Variants in EYS observed in about 807,000 individuals in gnomAD.
EYS encodes the protein protein eyes shut homolog.
In EYS, 250 loss-of-function variants were observed where a neutral mutation model predicts 282.1. That is an observed-to-expected ratio of 0.89 (90% CI 0.80 to 0.98). The LOEUF is 0.98. Ranked by LOEUF, EYS falls within the 50% of genes least tolerant of loss-of-function variation. The probability of loss-of-function intolerance (pLI) is 0.00; values close to 1 mark genes in which losing one functional copy is unlikely to be tolerated. For missense variants in EYS, 4,016 were observed against 3,709.0 expected (o/e 1.08, Z -2.15); for synonymous variants, 1,355 against 1,282.9 (o/e 1.06, Z -1.20).
intron 35 of EYS, among the ~76,000 whole-genome samples, chr6:63,880,475 GTC>G (rs1156933016): frequency 1.4e-5 from 2 of 139,248 alleles, no homozygotes; most frequent in Non-Finnish European, 3.2e-5. Context: ...CTGTCTGTCT[GTC>G]TGTCTGTCTG....
At chr6:65,270,646 T>C (rs537756192) in intron 12 of EYS, among the ~76,000 whole-genome samples, 4 of 152,264 alleles carry the variant, frequency 2.6e-5, no homozygotes, top group Non-Finnish European at 5.9e-5. Context: ...CTATGAAAAG[T>C]CAGAAAGAAG....
At chr6:64,780,495 A>G (rs187938747) in intron 22 of EYS, among the ~76,000 whole-genome samples, 2 of 152,278 alleles carry the variant, frequency 1.3e-5, no homozygotes, top group East Asian at 3.9e-4. Context: ...ATGGGGAAAT[A>G]ACAGACACTG....
chr6:63,986,587 T>C (rs1341260693), intron 34 of EYS, among the ~76,000 whole-genome samples: 1 of 151,772 alleles, frequency 6.6e-6, no homozygotes. Flanking sequence ...GATGGAATAA[T>C]ATGCAGCCAT....
intron 39 of EYS, among the ~76,000 whole-genome samples, chr6:63,783,876 TTGTGTG>T (rs150840181): frequency 2.0e-5 from 3 of 150,854 alleles, no homozygotes; most frequent in Admixed American, 6.6e-5. Context: ...TGGTCAAATA[TTGTGTG>T]TGTGTGTGTG....
chr6:64,295,103 G>A (rs1488817636), intron 30 of EYS, among the ~76,000 whole-genome samples: 5 of 151,492 alleles, frequency 3.3e-5, no homozygotes, highest in Non-Finnish European at 5.9e-5. Flanking sequence ...GGCCGGGCAC[G>A]GTGGCTCACG....
At chr6:64,742,088 C>A (rs1772393513) in intron 22 of EYS, among the ~76,000 whole-genome samples, 1 of 152,116 alleles carries the variant, frequency 6.6e-6, no homozygotes, top group Admixed American at 6.5e-5. Context: ...TCATTTCTAG[C>A]TTTTGAGTTA....
chr6:65,635,090 T>C (rs1767040645), intron 2 of EYS, among the ~76,000 whole-genome samples: 1 of 152,186 alleles, frequency 6.6e-6, no homozygotes, highest in South Asian at 2.1e-4. Flanking sequence ...CTAAAACTGT[T>C]GGTAAGGTTA....
rs1042995009 is a variant in EYS, at chr6:65,689,023, G to A, written c.-448+18112C>T. ...ATTTGACCCAGCCATCCCATTACTG[G>A]GTATATACCCAAAGGATTATAAATC... On this transcript the variant is annotated intron_variant, in intron 1 of 42. Coordinates refer to ENST00000503581, the MANE Select transcript of EYS (RefSeq NM_001142800.2). 1.3e-5 allele frequency among the ~76,000 whole-genome samples: 2 copies of A among 150,278 alleles called. 1 individual carries two copies. Among genetic ancestry groups the A allele is most frequent in the East Asian group, 4.5e-4 (2 of 4,458 alleles).
intron 11 of EYS, among the ~76,000 whole-genome samples, chr6:65,323,021 A>T (rs1769520013): frequency 6.6e-6 from 1 of 151,590 alleles, no homozygotes; most frequent in African/African-American, 2.4e-5. Flanking sequence ...TAATTTTAAC[A>T]TACTTATTTT....
At chr6:64,945,144 AAG>A (rs1483512394) in intron 15 of EYS, among the ~76,000 whole-genome samples, 1 of 151,176 alleles carries the variant, frequency 6.6e-6, no homozygotes, top group Non-Finnish European at 1.5e-5. Context: ...AAAAAAAAAA[AAG>A]AATGGGAAAA....
intron 31 of EYS, among the ~76,000 whole-genome samples, chr6:64,134,809 A>G (rs991498218): frequency 6.6e-5 from 10 of 152,006 alleles, no homozygotes; most frequent in African/African-American, 2.2e-4. Context: ...AGAGGGAAAA[A>G]CAGATCTCCA....
intron 38 of EYS, among the ~76,000 whole-genome samples, 177 bp from the exon 39 acceptor site, chr6:63,788,426 G>A (rs1770423877): frequency 6.6e-6 from 1 of 152,140 alleles, no homozygotes; most frequent in African/African-American, 2.4e-5. Context: ...TCTGTTACCA[G>A]GGATATATTA....
chr6:64,837,303 T>C (rs1046262969), intron 19 of EYS, among the ~76,000 whole-genome samples: 1 of 151,388 alleles, frequency 6.6e-6, no homozygotes, highest in Non-Finnish European at 1.5e-5. Context: ...AAATCCTCAA[T>C]AAGCTAGGCA....
chr6:64,003,929 T>C (rs1768215340), intron 33 of EYS, among the ~76,000 whole-genome samples: 1 of 152,222 alleles, frequency 6.6e-6, no homozygotes, highest in African/African-American at 2.4e-5. Context: ...CTGCCATAAT[T>C]GTAAATTTCC....
At chr6:63,979,801 C>G (rs925954710) in intron 35 of EYS, among the ~76,000 whole-genome samples, 1 of 151,842 alleles carries the variant, frequency 6.6e-6, no homozygotes, top group Non-Finnish European at 1.5e-5. Flanking sequence ...CTGAAATGAA[C>G]AACCACAGGG....
chr6:64,767,994 A>G (rs1259154691), intron 22 of EYS, among the ~76,000 whole-genome samples: 1 of 152,096 alleles, frequency 6.6e-6, no homozygotes, highest in African/African-American at 2.4e-5. Context: ...GGGTGAGATA[A>G]TACCTTATTG....
intron 1 of EYS, among the ~76,000 whole-genome samples, chr6:65,658,317 A>G (rs182297176): frequency 1.1e-4 from 17 of 151,814 alleles, no homozygotes; most frequent in African/African-American, 3.6e-4. Context: ...CATAAAAACT[A>G]TAAAAATCTG....
chr6:64,383,219 T>C (rs1251676271), intron 29 of EYS, among the ~76,000 whole-genome samples: 5 of 152,298 alleles, frequency 3.3e-5, no homozygotes, highest in African/African-American at 1.2e-4. Flanking sequence ...GAAGATTGTT[T>C]GAGCTCAGGA....
intron 19 of EYS, among the ~76,000 whole-genome samples, chr6:64,853,463 C>T (rs946170992): frequency 6.6e-6 from 1 of 152,056 alleles, no homozygotes; most frequent in Non-Finnish European, 1.5e-5. Context: ...TTCTGTTATA[C>T]TTTTTTTGTT....
Sources: allele counts gnomAD v4.1 joint callset (sites outside exome capture counted in the v4.1 genomes callset), GRCh38; gene constraint gnomAD v4.1.1; transcripts MANE v1.5; gene names NCBI Gene and HGNC (gene_info 2026-07-23, HGNC 2026-07-21).